The following DAB1 variants were observed in gnomAD, a reference collection of about 807,000 sequenced individuals.
The protein encoded by DAB1 is DAB adaptor protein 1.
A neutral mutation model predicts 64.6 loss-of-function variants in DAB1; 15 were observed. That is an observed-to-expected ratio of 0.23 (90% confidence interval 0.16 to 0.36). The LOEUF (loss-of-function observed/expected upper bound fraction) is 0.36. Among genes scored for constraint, DAB1 ranks in the 10% least tolerant of loss-of-function variants. The probability of loss-of-function intolerance (pLI) is 1.00; values close to 1 mark genes in which losing one functional copy is unlikely to be tolerated. For missense variants in DAB1, 596 were observed against 706.7 expected, an observed-to-expected ratio of 0.84 and a Z score of 1.78; for synonymous variants, 235 against 251.9, an observed-to-expected ratio of 0.93 and a Z score of 0.64.
chr1:57,069,984 T>C (rs1276854752), intron 7 of DAB1, among the ~76,000 whole-genome samples: 3 of 152,242 alleles, frequency 2.0e-5, no homozygotes, highest in Non-Finnish European at 4.4e-5. Context: ...AAAAGGCTAT[T>C]ATTCTTCATT....
intron 5 of DAB1, among the ~76,000 whole-genome samples, chr1:58,069,458 A>T (rs1649092165): frequency 6.6e-6 from 1 of 152,212 alleles, no homozygotes; most frequent in South Asian, 2.1e-4. Flanking sequence ...TATCCTTTGT[A>T]CTTTACGGCG....
chr1:58,053,367 T>C (rs1312575686), intron 5 of DAB1, among the ~76,000 whole-genome samples: 1 of 151,992 alleles, frequency 6.6e-6, no homozygotes, highest in Admixed American at 6.6e-5. Context: ...TGGCAGAAAG[T>C]AGAAGGTTAG....
At chr1:57,804,472 T>C (rs527431590) in intron 6 of DAB1, among the ~76,000 whole-genome samples, 2 of 152,252 alleles carry the variant, frequency 1.3e-5, no homozygotes, top group African/African-American at 4.8e-5. Flanking sequence ...GGGTTGAGCC[T>C]GGGGTTCAAT....
intron 2 of DAB1, among the ~76,000 whole-genome samples, chr1:57,231,425 C>T (rs982904866): frequency 7.9e-5 from 12 of 152,104 alleles, no homozygotes; most frequent in African/African-American, 2.7e-4. Flanking sequence ...TTCATGAGAC[C>T]GTCTCTTTCA....
At chr1:57,984,260 G>GAAAGAAAAA (rs1570163620) in intron 5 of DAB1, among the ~76,000 whole-genome samples, 1 of 134,070 alleles carries the variant, frequency 7.5e-6, no homozygotes, top group Admixed American at 7.2e-5. Flanking sequence ...AAGAAAGAAA[G>GAAAGAAAAA]AAAAAAAATT....
intron 7 of DAB1, among the ~76,000 whole-genome samples, chr1:57,540,839 A>G (rs1194880351): frequency 1.3e-5 from 2 of 152,168 alleles, no homozygotes; most frequent in Admixed American, 6.5e-5. Context: ...GGTAGGGGGA[A>G]TGAAGAGAGG....
chr1:57,190,727 C>T (rs548181195), intron 2 of DAB1, among the ~76,000 whole-genome samples: 63 of 152,286 alleles, frequency 4.1e-4, no homozygotes, highest in Admixed American at 7.8e-4. Context: ...CCACCACCAC[C>T]ACTCAGAGAT....
intron 5 of DAB1, among the ~76,000 whole-genome samples, chr1:57,922,677 C>G (rs1432741955): frequency 6.6e-6 from 1 of 151,460 alleles, no homozygotes; most frequent in Non-Finnish European, 1.5e-5. Context: ...AACCCCGTCT[C>G]TACTAAAAAT....
At chr1:58,086,154 G>A (rs921882992) in intron 5 of DAB1, among the ~76,000 whole-genome samples, 7 of 151,034 alleles carry the variant, frequency 4.6e-5, no homozygotes, top group Non-Finnish European at 2.9e-5. Flanking sequence ...TAGTAGAGAC[G>A]GGGTTTCACC....
At chr1:57,033,558 C>G in intron 9 of DAB1, 5 of 1,612,608 alleles carry the variant, frequency 3.1e-6, no homozygotes, top group Non-Finnish European at 4.2e-6. Flanking sequence ...TCAAAATCCT[C>G]AAACGAATAG....
At chr1:57,137,583 C>T (rs1443596962) in intron 3 of DAB1, among the ~76,000 whole-genome samples, 1 of 152,204 alleles carries the variant, frequency 6.6e-6, no homozygotes, top group African/African-American at 2.4e-5. Flanking sequence ...GATCTACACC[C>T]TGAGGTGCTG....
At chr1:58,511,747 T>G (rs1457941590) in intron 2 of DAB1, among the ~76,000 whole-genome samples, 1 of 152,134 alleles carries the variant, frequency 6.6e-6, no homozygotes, top group Non-Finnish European at 1.5e-5. Flanking sequence ...ACCCTTATCT[T>G]ACGCTACACA....
chr1:58,445,011 C>G (rs568703925), intron 3 of DAB1, among the ~76,000 whole-genome samples: 1 of 152,312 alleles, frequency 6.6e-6, no homozygotes, highest in South Asian at 2.1e-4. Flanking sequence ...ATCAGCTCCA[C>G]TACTTGCTAA....
intron 5 of DAB1, among the ~76,000 whole-genome samples, chr1:58,068,767 AAAAAAAAAAAAAACC>A: frequency 8.0e-6 from 1 of 124,582 alleles, no homozygotes; most frequent in Middle Eastern, 4.4e-3. Context: ...CTCCATCTCA[AAAAAAAAAAAAAACC>A]AAAAAAAAAA....
chr1:57,997,880 A>G (rs144118304), intron 5 of DAB1, among the ~76,000 whole-genome samples: 1 of 152,016 alleles, frequency 6.6e-6, no homozygotes, highest in East Asian at 1.9e-4. Flanking sequence ...TATACTAGAT[A>G]GGAGTAACAC....
chr1:57,162,301 A>G (rs1398492217), intron 2 of DAB1, among the ~76,000 whole-genome samples: 1 of 152,198 alleles, frequency 6.6e-6, no homozygotes, highest in Non-Finnish European at 1.5e-5. Flanking sequence ...TGTTTGTATA[A>G]TTTGGATTAC....
In DAB1 at chr1:58,184,292, A is replaced by G. The variant is rs1656956207; in HGVS notation, n.310-33704T>C. 3.4e-5 allele frequency among the ~76,000 whole-genome samples: 5 copies of G among 148,388 alleles called. No homozygotes were observed. In the South Asian group the frequency reaches 1.1e-3, roughly 31 times the overall value. On this transcript the variant is annotated intron_variant and non_coding_transcript_variant, in intron 4 of 20. Transcript: ENST00000485760. ...TTTAAAAATATATAACATATGATAT[A>G]TAACATAATAATATATATTAATAAT...
chr1:58,220,775 A>C (rs1183452797), intron 4 of DAB1, among the ~76,000 whole-genome samples: 2 of 152,102 alleles, frequency 1.3e-5, no homozygotes, highest in East Asian at 1.9e-4. Context: ...AAGACATAAG[A>C]AGCAGTGCAG....
chr1:57,748,307 G>A (rs1648382909), intron 6 of DAB1, among the ~76,000 whole-genome samples: 1 of 152,214 alleles, frequency 6.6e-6, no homozygotes, highest in Admixed American at 6.5e-5. Flanking sequence ...CATGAGGCCA[G>A]ACTGCCTGAA....
Sources: gnomAD v4.1 joint callset for allele counts (sites outside exome capture counted in the v4.1 genomes callset) on GRCh38, gnomAD v4.1.1 for gene constraint, MANE v1.5 for transcripts, NCBI Gene and HGNC (gene_info 2026-07-23, HGNC 2026-07-21) for gene names.